COLEC10: variants seen among roughly 807,000 people sequenced by gnomAD.
COLEC10 encodes collectin-10.
COLEC10 carries 22 observed loss-of-function variants against 28.4 expected under a neutral mutation model. The observed-to-expected ratio is 0.78, with a 90% confidence interval of 0.55 to 1.11. COLEC10 has a LOEUF of 1.11. Among genes scored for constraint, COLEC10 ranks in the 50% least tolerant of loss-of-function variants. The probability of loss-of-function intolerance (pLI) is 0.00; values close to 1 mark genes in which losing one functional copy is unlikely to be tolerated. For missense variants in COLEC10, 361 were observed against 344.1 expected (o/e 1.05, Z -0.39); for synonymous variants, 125 against 116.1 (o/e 1.08, Z -0.49).
chr8:119,023,200 T>C (rs1814128855), intron 2 of COLEC10, among the ~76,000 whole-genome samples: 1 of 152,188 alleles, frequency 6.6e-6, no homozygotes, highest in African/African-American at 2.4e-5. Flanking sequence ...TTCTGTAGCT[T>C]GTATCACTGT....
At chr8:119,033,203 A>G (rs890553448) in intron 2 of COLEC10, among the ~76,000 whole-genome samples, 2 of 151,894 alleles carry the variant, frequency 1.3e-5, no homozygotes, top group African/African-American at 4.8e-5. Context: ...CTGCTGGCTG[A>G]TTTCAGCCAC....
chr8:119,057,543 C>G (rs1446780780), intron 2 of COLEC10, among the ~76,000 whole-genome samples: 1 of 152,042 alleles, frequency 6.6e-6, no homozygotes, highest in Non-Finnish European at 1.5e-5. Flanking sequence ...ACACTAATGA[C>G]AACTACTATT....
chr8:119,090,155 A>G (rs1815560455), intron 2 of COLEC10, among the ~76,000 whole-genome samples: 1 of 152,154 alleles, frequency 6.6e-6, no homozygotes, highest in Non-Finnish European at 1.5e-5. Flanking sequence ...GGGCTACCTG[A>G]TTCATTGATC....
At chr8:119,004,000 A>G (rs1813744442) in intron 1 of COLEC10, among the ~76,000 whole-genome samples, 2 of 152,064 alleles carry the variant, frequency 1.3e-5, no homozygotes, top group East Asian at 3.9e-4. Context: ...TGGGAATAGA[A>G]ATAATAACCC....
At chr8:118,974,282 C>G in the COLEC10 span, among the ~76,000 whole-genome samples, 6 of 151,846 alleles carry the variant, frequency 4.0e-5, no homozygotes, top group African/African-American at 9.6e-5. Flanking sequence ...TTTATTCATG[C>G]AATACATGAA....
At chr8:119,042,580 A>T (rs1399215675) in intron 2 of COLEC10, among the ~76,000 whole-genome samples, 4 of 152,092 alleles carry the variant, frequency 2.6e-5, no homozygotes, top group Non-Finnish European at 5.9e-5. Flanking sequence ...AGCCCAGCAC[A>T]CATCCCCTTT....
chr8:119,067,559 T>C, intron 1 of COLEC10, 130 bp downstream of exon 1: 1 of 882,652 alleles, frequency 1.1e-6, no homozygotes. Context: ...CCTTCTATTT[T>C]GGAAAATCAG....
chr8:119,103,957 C>G, intron 5 of COLEC10, 62 bp downstream of exon 5: 1 of 1,089,552 alleles, frequency 9.2e-7, no homozygotes, highest in Non-Finnish European at 1.4e-6. Flanking sequence ...ACTACAATTC[C>G]AGTACTCTTA....
At chr8:119,013,102 T>C (rs1074162) in intron 2 of COLEC10, among the ~76,000 whole-genome samples, 34,013 of 150,166 alleles carry the variant, frequency 0.23, 4,564 homozygotes, top group East Asian at 0.37. Context: ...TCAATACTAT[T>C]ATTTTCCTTC....
the COLEC10 span, among the ~76,000 whole-genome samples, chr8:118,973,729 A>G: frequency 6.6e-6 from 1 of 152,008 alleles, no homozygotes; most frequent in South Asian, 2.1e-4. Context: ...GGAATCATTG[A>G]GAAGTTCCTA....
At chr8:119,001,834 C>T (rs952165849) in intron 1 of COLEC10, among the ~76,000 whole-genome samples, 3 of 152,146 alleles carry the variant, frequency 2.0e-5, no homozygotes, top group Non-Finnish European at 4.4e-5. Flanking sequence ...AAAATATAAA[C>T]TCAAAAAGAA....
At chr8:118,976,888 C>G in the COLEC10 span, among the ~76,000 whole-genome samples, 9 of 151,710 alleles carry the variant, frequency 5.9e-5, no homozygotes, top group African/African-American at 1.5e-4. Flanking sequence ...ACAATGAACT[C>G]AAACAAATTT....
chr8:119,010,560 T>C (rs1417255813), intron 2 of COLEC10, among the ~76,000 whole-genome samples: 1 of 150,992 alleles, frequency 6.6e-6, no homozygotes, highest in Non-Finnish European at 1.5e-5. Flanking sequence ...AGAGTATGTT[T>C]ATATTTGTAT....
At chr8:119,017,597 G>A (rs1242332075) in intron 2 of COLEC10, among the ~76,000 whole-genome samples, 1 of 152,150 alleles carries the variant, frequency 6.6e-6, no homozygotes, top group Middle Eastern at 3.2e-3. Flanking sequence ...CTCTTATTGA[G>A]AGCTGTGTTT....
chr8:118,991,592 C>T (rs745852468), upstream of COLEC10, among the ~76,000 whole-genome samples: 29 of 152,200 alleles, frequency 1.9e-4, no homozygotes, highest in Non-Finnish European at 3.8e-4. Flanking sequence ...TCTATGCACT[C>T]ACCATAATAC....
chr8:118,980,412 C>G, the COLEC10 span, among the ~76,000 whole-genome samples: 1 of 151,820 alleles, frequency 6.6e-6, no homozygotes. Flanking sequence ...AGGGTGGTCT[C>G]GAACTCCTGA....
chr8:119,042,142 A>C (rs1417763100), intron 2 of COLEC10, among the ~76,000 whole-genome samples: 1 of 148,758 alleles, frequency 6.7e-6, no homozygotes, highest in Non-Finnish European at 1.5e-5. Context: ...GGATTACAGG[A>C]ATGCACCACC....
intron 3 of COLEC10, among the ~76,000 whole-genome samples, chr8:119,092,666 G>C (rs1169249240): frequency 1.3e-5 from 2 of 152,118 alleles, no homozygotes; most frequent in Non-Finnish European, 2.9e-5. Context: ...AACACTTTAG[G>C]GGGCTGAGAT....
the COLEC10 span, among the ~76,000 whole-genome samples, chr8:118,985,505 TA>T: frequency 7.9e-5 from 12 of 151,002 alleles, no homozygotes; most frequent in South Asian, 6.3e-4. Context: ...TGTGTTATTT[TA>T]AAAAAAAAGG....
Sources: gnomAD v4.1 joint callset for allele counts (sites outside exome capture counted in the v4.1 genomes callset) on GRCh38, gnomAD v4.1.1 for gene constraint, MANE v1.5 for transcripts, NCBI Gene and HGNC (gene_info 2026-07-23, HGNC 2026-07-21) for gene names.